ATP10B: variants seen among roughly 807,000 people sequenced by gnomAD.
ATP10B encodes the protein ATPase phospholipid transporting 10B (putative).
ATP10B carries 122 observed loss-of-function variants against 141.2 expected under a neutral mutation model. The ratio of observed to expected loss-of-function variants is 0.86; its 90% CI spans 0.75 to 1.00. ATP10B has a LOEUF of 1.00. Among genes scored for constraint, ATP10B ranks in the 50% least tolerant of loss-of-function variants. The probability of loss-of-function intolerance (pLI) is 0.00; values close to 1 mark genes in which losing one functional copy is unlikely to be tolerated. For missense variants in ATP10B, 1,876 were observed against 1,825.3 expected (o/e 1.03, Z -0.51); for synonymous variants, 685 against 692.0 (o/e 0.99, Z 0.16).
chr5:160,832,274 A>G (rs1467081640), intron 1 of ATP10B, among the ~76,000 whole-genome samples: 1 of 152,168 alleles, frequency 6.6e-6, no homozygotes, highest in Non-Finnish European at 1.5e-5. Flanking sequence ...GTTCATGACT[A>G]CAGTATTTGT....
At chr5:160,686,372 T>A (rs1763752246) in intron 5 of ATP10B, 99 bp from the exon 6 acceptor site, 3 of 867,384 alleles carry the variant, frequency 3.5e-6, no homozygotes, top group Non-Finnish European at 1.7e-6. Context: ...CAATTAAACC[T>A]TCTCTTTCAG....
intron 2 of ATP10B, among the ~76,000 whole-genome samples, chr5:160,776,147 A>C (rs956453275): frequency 6.6e-6 from 1 of 152,218 alleles, no homozygotes; most frequent in East Asian, 1.9e-4. Context: ...ATTTGATGGT[A>C]TCATATCAGG....
chr5:160,881,480 A>G, the ATP10B span, among the ~76,000 whole-genome samples: 1 of 152,334 alleles, frequency 6.6e-6, no homozygotes, highest in African/African-American at 2.4e-5. Flanking sequence ...TCTATACAAA[A>G]ACCGGCACAC....
At chr5:160,757,205 T>C (rs1768682025) in intron 2 of ATP10B, among the ~76,000 whole-genome samples, 1 of 152,234 alleles carries the variant, frequency 6.6e-6, no homozygotes, top group Non-Finnish European at 1.5e-5. Context: ...GATTATCCTT[T>C]TCCCATTGAA....
intron 2 of ATP10B, among the ~76,000 whole-genome samples, chr5:160,775,435 C>G (rs572351815): frequency 3.4e-4 from 52 of 152,236 alleles, no homozygotes; most frequent in African/African-American, 1.3e-3. Flanking sequence ...TTTTTAACCT[C>G]TGAGGATTAC....
At chr5:160,882,660 G>A in the ATP10B span, among the ~76,000 whole-genome samples, 191 of 152,150 alleles carry the variant, frequency 1.3e-3, no homozygotes, top group African/African-American at 4.4e-3. Flanking sequence ...ATTCAAAGAT[G>A]AGTAATCACA....
chr5:160,636,759 T>C lies in ATP10B; in HGVS notation c.1001-450A>G, dbSNP rs578007692. Among the ~76,000 whole-genome samples, 7 of 152,184 alleles carry C rather than the reference T, an allele frequency of 4.6e-5. No individual in the cohort carries two copies. The East Asian group carries it at 1.4e-3, about 29-fold the overall frequency. On this transcript the variant is annotated intron_variant, in intron 10 of 25. Transcript: ENST00000327245. The stretch of plus-strand genomic sequence containing the variant: ...ATCCTGCCATTAATCAATTTTTCTA[T>C]CCATTTATCTATCCATTCATCCATC...
At position 160,653,756 on chromosome 5, in the gene ATP10B, AATATATATAATATATACATATATAC is replaced by A. The variant is rs1400431164; in HGVS notation, c.676-4525_676-4501del. ...TATATACATATATTACATATACATA[AATATATATAATATATACATATATAC>A]ATATATATTATATAGACGTATATAC... On this transcript the variant is annotated intron_variant, in intron 7 of 25. Transcript: ENST00000327245. 2.1e-4 allele frequency among the ~76,000 whole-genome samples: 26 copies of A among 122,278 alleles called. 2 individuals are homozygous for A. The highest frequency in any genetic ancestry group is 8.4e-4 in the African/African-American group (26 of 31,050). 80.2% of individuals were successfully genotyped at this position (122,278 alleles called of 152,430 possible).
chr5:160,806,124 C>A (rs565492246), intron 1 of ATP10B, among the ~76,000 whole-genome samples: 1 of 152,358 alleles, frequency 6.6e-6, no homozygotes, highest in South Asian at 2.1e-4. Flanking sequence ...GGACAGCCAT[C>A]TGCTTTACTC....
intron 14 of ATP10B, among the ~76,000 whole-genome samples, chr5:160,621,477 C>A (rs2024522): frequency 0.84 from 127,200 of 152,212 alleles, 53,465 homozygotes; most frequent in African/African-American, 0.92. Flanking sequence ...TGGGAGGTGC[C>A]TACTGTCTTT....
chr5:160,877,558 T>C, the ATP10B span, among the ~76,000 whole-genome samples: 1 of 149,870 alleles, frequency 6.7e-6, no homozygotes, highest in East Asian at 2.0e-4. Flanking sequence ...GAGAAGGAAA[T>C]AAAGGGTATT....
At chr5:160,686,378 T>C in intron 5 of ATP10B, 105 bp from the exon 6 acceptor site, 1 of 762,400 alleles carries the variant, frequency 1.3e-6, no homozygotes, top group Non-Finnish European at 2.0e-6. Flanking sequence ...AACCTTCTCT[T>C]TCAGTATCAC....
rs78388904 is a variant in ATP10B, at chr5:160,700,586, T to C, written c.-204-11643A>G. 5.4e-3 allele frequency among the ~76,000 whole-genome samples: 821 copies of C among 152,338 alleles called. 23 individuals carry two copies. In the East Asian group the frequency reaches 0.12, roughly 22 times the overall value. The stretch of plus-strand genomic sequence containing the variant: ...CTTCTTTTTTCAGAAATGGAGAACT[T>C]TTCATTCCTCTGTTTTGTCTGAGTT... On this transcript the variant is annotated intron_variant, in intron 3 of 25. Transcript: ENST00000327245.
intron 1 of ATP10B, among the ~76,000 whole-genome samples, chr5:160,831,109 C>A (rs553717966): frequency 5.8e-5 from 1 of 17,238 alleles, no homozygotes; most frequent in African/African-American, 1.1e-4. Flanking sequence ...ACTTTCAACA[C>A]GCTTTTTTTT....
chr5:160,912,414 C>CAAAAAA, the ATP10B span, among the ~76,000 whole-genome samples: 21 of 88,886 alleles, frequency 2.4e-4, no homozygotes, highest in African/African-American at 7.9e-4. Flanking sequence ...CTGTTTCTAC[C>CAAAAAA]AAAAAAAAAA....
Position 160,612,990 on chromosome 5 carries a change from A to G in ATP10B, c.2654-65T>C, listed in dbSNP as rs1196726517. The G allele has an allele frequency of 5.6e-6, 8 of 1,434,462 alleles. No homozygotes were observed. In the East Asian group the frequency reaches 2.0e-4, roughly 35 times the overall value. 88.9% of individuals were successfully genotyped at this position (1,434,462 alleles called of 1,614,324 possible). ...AAAGAGTAGTTGCTTAATTCCCCCA[A>G]AGCCATGTGAAGCCAGGCAATGTTT... On this transcript the variant is annotated intron_variant, in intron 17 of 25. Coordinates refer to ENST00000327245, the MANE Select transcript of ATP10B (RefSeq NM_025153.3).
intron 2 of ATP10B, among the ~76,000 whole-genome samples, chr5:160,770,619 T>C (rs147970596): frequency 5.0e-4 from 76 of 152,318 alleles, no homozygotes; most frequent in Non-Finnish European, 6.6e-4. Context: ...GTGCAAGGTA[T>C]TTTTATCTTT....
chr5:160,598,978 C>G lies in ATP10B; in HGVS notation c.3364-8G>C. 1 of 1,613,554 alleles carries G rather than the reference C, an allele frequency of 6.2e-7. No individual in the cohort carries two copies. The highest frequency in any genetic ancestry group is 8.5e-7 in the Non-Finnish European group (1 of 1,179,750). Reference sequence around the variant, plus strand: ...GAGCAGGTTGACGTAGCACTGCAGGCAGAGAGCATGGCCTTGTGAGTGGGG... The same window carrying G: ...GAGCAGGTTGACGTAGCACTGCAGGGAGAGAGCATGGCCTTGTGAGTGGGG... On this transcript the variant is annotated splice_region_variant and splice_polypyrimidine_tract_variant and intron_variant, in intron 21 of 25. Transcript: ENST00000327245.
the ATP10B span, among the ~76,000 whole-genome samples, chr5:160,910,873 G>A: frequency 2.0e-5 from 3 of 152,180 alleles, no homozygotes; most frequent in African/African-American, 7.2e-5. Context: ...GATCCTCAAT[G>A]TTAGAGGTGG....
Sources: gnomAD v4.1 joint callset for allele counts (sites outside exome capture counted in the v4.1 genomes callset) on GRCh38, gnomAD v4.1.1 for gene constraint, MANE v1.5 for transcripts, NCBI Gene and HGNC (gene_info 2026-07-23, HGNC 2026-07-21) for gene names.